The following TRPM3 variants were observed in gnomAD, a reference collection of about 807,000 sequenced individuals.
The protein encoded by TRPM3 is transient receptor potential cation channel subfamily M member 3, also known as long transient receptor potential channel 3.
A neutral mutation model predicts 181.2 loss-of-function variants in TRPM3; 77 were observed. The observed-to-expected ratio is 0.42, with a 90% CI of 0.35 to 0.51. The LOEUF is 0.51. Ranked by LOEUF, TRPM3 falls within the 20% of genes least tolerant of loss-of-function variation. The pLI, the probability that TRPM3 is intolerant of heterozygous loss-of-function variation, is 0.01. For missense variants in TRPM3, 1,759 were observed against 2,196.7 expected (o/e 0.80, Z 3.98); for synonymous variants, 745 against 796.4 (o/e 0.94, Z 1.09).
Position 70,627,265 on chromosome 9 carries a change from CTTTTTTTTTTT to C in TRPM3, c.1633-1759_1633-1749del, listed in dbSNP as rs1175860330. Among the ~76,000 whole-genome samples, 18 of 79,580 alleles carry C rather than the reference CTTTTTTTTTTT, an allele frequency of 2.3e-4. 1 individual carries two copies. The highest frequency in any genetic ancestry group is 1.8e-4 in the Admixed American group (1 of 5,690). The allele number at this position is 79,580 out of a possible 152,430, so 52.2% of individuals were successfully genotyped here. A position where few individuals can be genotyped will look rare whatever the true frequency, so the allele number is the denominator to read the frequency against. On this transcript the variant is annotated intron_variant, in intron 12 of 25. Transcript: ENST00000677713. The stretch of plus-strand genomic sequence containing the variant: ...TCAGGCATATAAGACTCCATTGCTG[CTTTTTTTTTTT>C]TTTTTTTTTTTTTGAGACAGAGTTT...
chr9:70,963,628 G>C (rs2097158786), intron 1 of TRPM3, among the ~76,000 whole-genome samples: 1 of 152,078 alleles, frequency 6.6e-6, no homozygotes, highest in African/African-American at 2.4e-5. Flanking sequence ...GCTGTATTTT[G>C]ACTAAAATGT....
intron 1 of TRPM3, among the ~76,000 whole-genome samples, chr9:71,396,965 C>CAAA (rs76027591): frequency 4.6e-4 from 45 of 97,500 alleles, no homozygotes; most frequent in African/African-American, 1.6e-3. Context: ...GACTTCATCT[C>CAAA]AAAAAAAAAA....
chr9:70,868,823 T>A (rs1168509811), intron 1 of TRPM3, among the ~76,000 whole-genome samples: 1 of 152,072 alleles, frequency 6.6e-6, no homozygotes, highest in African/African-American at 2.4e-5. Flanking sequence ...ATACCCTGTC[T>A]TCATCAGAAC....
chr9:71,107,489 T>A (rs2069952840), intron 1 of TRPM3, among the ~76,000 whole-genome samples: 1 of 152,190 alleles, frequency 6.6e-6, no homozygotes, highest in Admixed American at 6.5e-5. Flanking sequence ...AATTTCTTTG[T>A]CTCCTCAATT....
chr9:71,053,370 T>G (rs1228089923), intron 1 of TRPM3, among the ~76,000 whole-genome samples: 5 of 152,026 alleles, frequency 3.3e-5, no homozygotes, highest in Non-Finnish European at 5.9e-5. Flanking sequence ...TTATTTCAGC[T>G]CCATGCAGAT....
chr9:70,613,302 A>C (rs554782807), intron 18 of TRPM3, among the ~76,000 whole-genome samples: 6 of 152,234 alleles, frequency 3.9e-5, no homozygotes, highest in Admixed American at 3.9e-4. Context: ...TTGAGAATCT[A>C]TGCTGGCTAG....
intron 8 of TRPM3, among the ~76,000 whole-genome samples, chr9:70,757,605 C>A (rs1376844104): frequency 3.3e-5 from 5 of 152,164 alleles, no homozygotes; most frequent in African/African-American, 7.2e-5. Flanking sequence ...ACTGGCAAAT[C>A]AAATCCAGCA....
At chr9:70,810,363 G>T (rs577475014) in intron 6 of TRPM3, among the ~76,000 whole-genome samples, 3 of 145,062 alleles carry the variant, frequency 2.1e-5, no homozygotes, top group Non-Finnish European at 4.5e-5. Flanking sequence ...ATGGATACAC[G>T]ATCAGGAGGT....
chr9:71,142,979 T>C (rs2075201024), intron 1 of TRPM3, among the ~76,000 whole-genome samples: 1 of 14,202 alleles, frequency 7.0e-5, no homozygotes, highest in Non-Finnish European at 2.4e-4. Flanking sequence ...AAAGAAAATG[T>C]TAAAAAAAAA....
chr9:70,584,124 T>C (rs1289568939), intron 22 of TRPM3, among the ~76,000 whole-genome samples: 5 of 152,090 alleles, frequency 3.3e-5, no homozygotes, highest in Non-Finnish European at 7.4e-5. Flanking sequence ...ACTGGAGTTT[T>C]GAACTCCTGA....
chr9:71,294,151 G>A (rs2132284360), intron 1 of TRPM3, among the ~76,000 whole-genome samples: 1 of 151,962 alleles, frequency 6.6e-6, no homozygotes, highest in South Asian at 2.1e-4. Flanking sequence ...ATTCAATTTT[G>A]TTAAAATGTA....
chr9:70,958,378 C>T lies in TRPM3; in HGVS notation c.178-93867G>A, dbSNP rs114688589. 4.1e-3 allele frequency among the ~76,000 whole-genome samples: 623 copies of T among 152,238 alleles called. 7 individuals are homozygous for T. The highest frequency in any genetic ancestry group is 0.014 in the African/African-American group (579 of 41,536). On this transcript the variant is annotated intron_variant, in intron 1 of 25. Coordinates refer to ENST00000677713, the MANE Select transcript of TRPM3 (RefSeq NM_001366145.2). Reference sequence around the variant, plus strand: ...AATGGCTTATTATAACATATAGCAACTAGTTTACAGTCCCACCAACAGTGT... The same window carrying T: ...AATGGCTTATTATAACATATAGCAATTAGTTTACAGTCCCACCAACAGTGT...
At chr9:70,663,609 G>C (rs942272829) in intron 9 of TRPM3, among the ~76,000 whole-genome samples, 1 of 151,912 alleles carries the variant, frequency 6.6e-6, no homozygotes, top group African/African-American at 2.4e-5. Flanking sequence ...TTATATTATG[G>C]TCTCTACTTC....
chr9:71,061,159 T>C (rs1037778801), intron 1 of TRPM3, among the ~76,000 whole-genome samples: 2 of 152,044 alleles, frequency 1.3e-5, no homozygotes, highest in Admixed American at 6.6e-5. Flanking sequence ...ACTGGAAGAA[T>C]TGACAGGAGG....
chr9:70,739,935 C>G (rs2073668237), intron 8 of TRPM3, among the ~76,000 whole-genome samples: 2 of 152,108 alleles, frequency 1.3e-5, no homozygotes, highest in Admixed American at 6.6e-5. Flanking sequence ...ACTCTTACCA[C>G]TTCTATTCAA....
At chr9:70,761,483 G>T in intron 8 of TRPM3, 118 bp downstream of exon 8, 1 of 1,424,358 alleles carries the variant, frequency 7.0e-7, no homozygotes, top group Non-Finnish European at 9.8e-7. Flanking sequence ...GGAGCCTGAG[G>T]AGAGCTGTAA....
intron 1 of TRPM3, among the ~76,000 whole-genome samples, chr9:71,086,798 T>C (rs184536294): frequency 1.4e-4 from 22 of 152,104 alleles, no homozygotes; most frequent in African/African-American, 5.1e-4. Context: ...TTCAGGGTGA[T>C]GCTAACTTAA....
intron 6 of TRPM3, among the ~76,000 whole-genome samples, chr9:70,809,092 GAT>G (rs2091331512): frequency 6.6e-6 from 1 of 151,916 alleles, no homozygotes; most frequent in Non-Finnish European, 1.5e-5. Flanking sequence ...AAAATACAAA[GAT>G]AAAAAATTTT....
In TRPM3 at chr9:71,032,072, T is replaced by TA. The variant is rs373512981; in HGVS notation, c.177+89105_177+89106insT. Among the ~76,000 whole-genome samples the TA allele has an allele frequency of 4.1e-4, 4 of 9,772 alleles. 1 individual carries two copies. Among genetic ancestry groups the TA allele is most frequent in the Non-Finnish European group, 5.4e-4 (4 of 7,412 alleles). The allele number at this position is 9,772 out of a possible 152,430, so 6.4% of individuals were successfully genotyped here. On this transcript the variant is annotated intron_variant, in intron 1 of 25. Coordinates refer to ENST00000677713, the MANE Select transcript of TRPM3 (RefSeq NM_001366145.2). ...TATTATATATATTATATATATTATA[T>TA]TATATTATATATATATAATTATATA...
Sources: allele counts gnomAD v4.1 joint callset (sites outside exome capture counted in the v4.1 genomes callset), GRCh38; gene constraint gnomAD v4.1.1; transcripts MANE v1.5; gene names NCBI Gene and HGNC (gene_info 2026-07-23, HGNC 2026-07-21).